The following MYEF2 variants were observed in gnomAD, a reference collection of about 807,000 sequenced individuals.
MYEF2 encodes the protein myelin expression factor 2, also known as myelin gene expression factor 2.
In MYEF2, 37 loss-of-function variants were observed where a neutral mutation model predicts 75.2. That is an observed-to-expected ratio of 0.49 (90% CI 0.38 to 0.65). The LOEUF (loss-of-function observed/expected upper bound fraction) is 0.65. MYEF2 is among the 30% of genes least tolerant of loss of function. The pLI is 0.00. For missense variants in MYEF2, 634 were observed against 771.4 expected (o/e 0.82, Z 2.11); for synonymous variants, 195 against 241.6 (o/e 0.81, Z 1.79).
chr15:48,167,149 G>A (rs1372777110), intron 3 of MYEF2, among the ~76,000 whole-genome samples, 200 bp downstream of exon 3: 1 of 152,022 alleles, frequency 6.6e-6, no homozygotes, highest in African/African-American at 2.4e-5. Context: ...TGCCCCTTTG[G>A]AGTGTTTACA....
intron 6 of MYEF2, 79 bp downstream of exon 6, chr15:48,159,534 T>C: frequency 7.6e-7 from 1 of 1,309,284 alleles, no homozygotes; most frequent in Non-Finnish European, 1.1e-6. Flanking sequence ...CAAAATGTTC[T>C]ATAAACCTAT....
chr15:48,171,008 T>C (rs2040317305), intron 1 of MYEF2, among the ~76,000 whole-genome samples: 1 of 152,146 alleles, frequency 6.6e-6, no homozygotes, highest in African/African-American at 2.4e-5. Context: ...TATTCCTTCA[T>C]CAGAAATGGC....
At position 48,151,148 on chromosome 15, in the gene MYEF2, C is replaced by T; in HGVS notation, c.1330G>A (p.Ala444Thr). The change falls in exon 14 of 17, where the codon GCA becomes ACA. Residue 444 changes from alanine (A) to threonine (T), a missense_variant. Transcript: ENST00000324324. ...ATGTTAGAAGATCCTATTCTTCCTG[C>T]AAACCCTCCAATCATTGCACTGCCT... ...RLGSAMIGGF[A>T]GRIGSSNMGP... 6.2e-7 allele frequency: 1 copy of T among 1,610,690 alleles called. No homozygotes were observed. Among genetic ancestry groups the T allele is most frequent in the Non-Finnish European group, 8.5e-7 (1 of 1,177,974 alleles).
intron 10 of MYEF2, 38 bp downstream of exon 10, chr15:48,153,754 T>C (rs768129531): frequency 1.3e-6 from 2 of 1,519,178 alleles, no homozygotes; most frequent in Non-Finnish European, 1.8e-6. Context: ...CTAGCATATG[T>C]ATCATTTAAA....
rs111811309 is a variant in MYEF2, at chr15:48,164,657, T to C, written c.525+1276A>G. Among the ~76,000 whole-genome samples, 225 of 152,264 alleles carry C rather than the reference T, an allele frequency of 1.5e-3. 1 individual carries two copies. The highest frequency in any genetic ancestry group is 5.4e-3 in the African/African-American group (223 of 41,552). On this transcript the variant is annotated intron_variant, in intron 5 of 16. Coordinates refer to ENST00000324324, the MANE Select transcript of MYEF2 (RefSeq NM_016132.5). ...GACTCAACTGATACAGCAAACTTCA[T>C]TGTTCTTAATTTAAGAAATTGCAAC... is the stretch of plus-strand genomic sequence containing the variant.
Position 48,159,465 on chromosome 15 carries a change from C to A in MYEF2, c.717+148G>T, listed in dbSNP as rs573178665. ...GTGTGTGTGTATATATATGTATATA[C>A]GTCAATTGATTTTGAGTTTACAATA... On this transcript the variant is annotated intron_variant, in intron 6 of 16. Transcript: ENST00000324324. The A allele has an allele frequency of 2.9e-4, 191 of 655,694 alleles. No individual in the cohort carries two copies. In the African/African-American group the frequency reaches 3.0e-3, roughly 10 times the overall value. The allele number at this position is 655,694 out of a possible 1,614,324, so 40.6% of individuals were successfully genotyped here.
chr15:48,164,288 G>A (rs2040057629), intron 5 of MYEF2, among the ~76,000 whole-genome samples: 1 of 152,180 alleles, frequency 6.6e-6, no homozygotes, highest in African/African-American at 2.4e-5. Context: ...TTCAATGGTG[G>A]ATGTAACTGA....
At position 48,159,613 on chromosome 15, in the gene MYEF2, A is replaced by G. The variant is rs778559951; in HGVS notation, c.717T>C (p.Asn239=). The G allele has an allele frequency of 1.9e-6, 3 of 1,609,474 alleles. No homozygotes were observed. The South Asian group carries it at 3.3e-5, about 18-fold the overall frequency. Residue 239 remains asparagine (N), a splice_region_variant and synonymous_variant, in exon 6 of 17, where the codon AAT becomes AAC. Coordinates refer to ENST00000324324, the MANE Select transcript of MYEF2 (RefSeq NM_016132.5). ...GRLGSTIFVA[N]LDFKVGWKKL... is the part of the protein sequence containing the mutation. ...ATTTTAGACTAAAGCTTGAACTTAC[A>G]TTGGCAACAAAAATTGTGGAACCAA...
chr15:48,148,672 C>T (rs2039379489), intron 16 of MYEF2, among the ~76,000 whole-genome samples: 1 of 151,750 alleles, frequency 6.6e-6, no homozygotes, highest in South Asian at 2.1e-4. Flanking sequence ...AATAAATATA[C>T]CATTTATTAA....
intron 16 of MYEF2, among the ~76,000 whole-genome samples, chr15:48,143,443 A>G (rs922118925): frequency 1.3e-5 from 2 of 152,032 alleles, no homozygotes; most frequent in Non-Finnish European, 2.9e-5. Flanking sequence ...TTTTAGAATA[A>G]ACGGTTGCTT....
chr15:48,177,957 C>G, intron 1 of MYEF2, 120 bp downstream of exon 1: 4 of 1,345,514 alleles, frequency 3.0e-6, no homozygotes, highest in Non-Finnish European at 4.0e-6. Context: ...AGCCGATGGC[C>G]CGGGGGCGGG....
intron 10 of MYEF2, 122 bp from the exon 11 acceptor site, chr15:48,152,406 G>A (rs1423415466): frequency 1.4e-5 from 11 of 806,862 alleles, no homozygotes; most frequent in East Asian, 7.6e-5. Context: ...CTAGAGAAGC[G>A]GTAGGGTACA....
In MYEF2 at chr15:48,168,743, G is replaced by A. The variant is rs1347054114; in HGVS notation, c.258C>T (p.Asp86=). ...TCTTTTCTCCAGCGCCCGAATTCTT[G>A]TCTTTTGAATAAGGATGAAATCTAT... ...KANRFHPYSK[D]KNSGAGEKKG... The change falls in exon 2 of 17, where the codon GAC becomes GAT. Residue 86 remains aspartate (D), a synonymous_variant. Coordinates refer to ENST00000324324, the MANE Select transcript of MYEF2 (RefSeq NM_016132.5). 4 of 1,613,402 alleles carry A rather than the reference G, an allele frequency of 2.5e-6. No individual in the cohort carries two copies. Among genetic ancestry groups the A allele is most frequent in the East Asian group, 2.2e-5 (1 of 44,856 alleles).
intron 9 of MYEF2, chr15:48,157,540 C>A (rs2039749159): frequency 6.1e-6 from 1 of 163,878 alleles, no homozygotes; most frequent in South Asian, 1.8e-4. Context: ...TATTATACTA[C>A]CAATAAAAAT....
rs142049412 is a variant in MYEF2 at position 48,136,692 on chromosome 15, G to C, written c.*6216C>G. The stretch of plus-strand genomic sequence containing the variant: ...AATTTCTCTTTTGTAGGTATGAAGG[G>C]GCTTTACTGCTTTTGATATATGGAT... On this transcript the variant is annotated 3_prime_UTR_variant, in exon 17 of 17. Coordinates refer to ENST00000324324, the MANE Select transcript of MYEF2 (RefSeq NM_016132.5). 1 of 1,605,258 alleles carries C rather than the reference G, an allele frequency of 6.2e-7. No individual in the cohort carries two copies. Among genetic ancestry groups the C allele is most frequent in the Admixed American group, 1.7e-5 (1 of 59,298 alleles).
rs1024050601 is a variant in MYEF2, at chr15:48,135,146, G to A, written c.*7762C>T. 9 of 541,300 alleles carry A rather than the reference G, an allele frequency of 1.7e-5. No individual in the cohort carries two copies. The highest frequency in any genetic ancestry group is 2.8e-5 in the South Asian group (1 of 35,186). 33.5% of individuals were successfully genotyped at this position (541,300 alleles called of 1,614,324 possible). A position where few individuals can be genotyped will look rare whatever the true frequency, so the allele number is the denominator to read the frequency against. Reference sequence around the variant, plus strand: ...TAACCTCATCACAATTGCTGATTGAGTTCTTCTCACTAGTTTGCAATTTCT... The same window carrying A: ...TAACCTCATCACAATTGCTGATTGAATTCTTCTCACTAGTTTGCAATTTCT... On this transcript the variant is annotated 3_prime_UTR_variant, in exon 17 of 17. Transcript: ENST00000324324.
rs370663684 is a variant in MYEF2, at chr15:48,159,627, T to C, written c.703A>G (p.Ile235Val). 9.9e-6 allele frequency: 16 copies of C among 1,610,004 alleles called. No individual in the cohort carries two copies. The African/African-American group carries it at 1.7e-4, about 17-fold the overall frequency. Residue 235 changes from isoleucine to valine, a missense_variant, in exon 6 of 17, where the codon ATT (isoleucine) becomes GTT (valine). Physicochemically the swap from Ile to Val is conservative, Grantham distance 29. Transcript: ENST00000324324. ...CTTGAACTTACATTGGCAACAAAAA[T>C]TGTGGAACCAAGTCTACCGGCCTGC... ...NLQAGRLGST[I>V]FVANLDFKVG...
intron 16 of MYEF2, 29 bp from the exon 17 acceptor site, chr15:48,143,100 G>T: frequency 6.9e-7 from 1 of 1,458,916 alleles, no homozygotes; most frequent in Admixed American, 2.5e-5. Flanking sequence ...AGAATTACTA[G>T]TCAGTTTAAA....
At chr15:48,165,344 TTTTG>T (rs771675378) in intron 5 of MYEF2, among the ~76,000 whole-genome samples, 1 of 152,226 alleles carries the variant, frequency 6.6e-6, no homozygotes. Flanking sequence ...ACTGTAAATT[TTTTG>T]TTTGTATCTT....
Sources: gnomAD v4.1 joint callset for allele counts (sites outside exome capture counted in the v4.1 genomes callset) on GRCh38, gnomAD v4.1.1 for gene constraint, MANE v1.5 for transcripts, NCBI Gene and HGNC (gene_info 2026-07-23, HGNC 2026-07-21) for gene names.